Variants in RBM6 observed in about 807,000 individuals in gnomAD.
RBM6 encodes RNA binding motif protein 6, also known as RNA-binding protein 6.
In RBM6, 23 loss-of-function variants were observed where a neutral mutation model predicts 140.4. That is an observed-to-expected ratio of 0.16 (90% CI 0.12 to 0.23). The LOEUF is 0.23. Among genes scored for constraint, RBM6 ranks in the 10% least tolerant of loss-of-function variants. The pLI is 1.00. For missense variants in RBM6, 1,139 were observed against 1,386.7 expected (o/e 0.82, Z 2.84); for synonymous variants, 439 against 475.6 (o/e 0.92, Z 1.00).
intron 5 of RBM6, among the ~76,000 whole-genome samples, chr3:49,992,585 AGGCCC>A: frequency 6.6e-6 from 1 of 152,240 alleles, no homozygotes; most frequent in Non-Finnish European, 1.5e-5. Flanking sequence ...GGAATAGCAT[AGGCCC>A]AGAGAGACGT....
At chr3:49,964,142 A>C (rs2084405578) in intron 2 of RBM6, among the ~76,000 whole-genome samples, 1 of 152,030 alleles carries the variant, frequency 6.6e-6, no homozygotes, top group South Asian at 2.1e-4. Context: ...CCTGACCTCA[A>C]GTGATCCACC....
At chr3:50,063,379 G>A (rs2090010489) in intron 15 of RBM6, among the ~76,000 whole-genome samples, 1 of 152,032 alleles carries the variant, frequency 6.6e-6, no homozygotes, top group Admixed American at 6.6e-5. Flanking sequence ...GGCCAAGACA[G>A]GTGGATGCCT....
intron 9 of RBM6, 31 bp from the exon 10 acceptor site, chr3:50,058,371 G>C (rs374743128): frequency 3.2e-6 from 5 of 1,580,874 alleles, no homozygotes; most frequent in Non-Finnish European, 4.3e-6. Flanking sequence ...TCTCCCTTGT[G>C]TTGCCCTTCT....
intron 1 of RBM6, among the ~76,000 whole-genome samples, chr3:49,946,257 TG>T (rs2083480821): frequency 2.6e-5 from 4 of 152,014 alleles, no homozygotes; most frequent in Non-Finnish European, 5.9e-5. Context: ...TTTTTTTTTT[TG>T]GAGACAGATT....
intron 1 of RBM6, among the ~76,000 whole-genome samples, chr3:49,958,337 C>T (rs192924176): frequency 1.6e-4 from 24 of 152,132 alleles, no homozygotes; most frequent in Admixed American, 3.3e-4. Context: ...GGGTGGATCA[C>T]GAGGTCAGGA....
At chr3:50,017,055 G>A (rs2087202913) in intron 6 of RBM6, among the ~76,000 whole-genome samples, 1 of 151,888 alleles carries the variant, frequency 6.6e-6, no homozygotes, top group South Asian at 2.1e-4. Context: ...TGAACTCCTA[G>A]GCTCAAGTGA....
chr3:49,996,946 C>A (rs982492837), intron 5 of RBM6, among the ~76,000 whole-genome samples: 1 of 152,134 alleles, frequency 6.6e-6, no homozygotes, highest in Non-Finnish European at 1.5e-5. Flanking sequence ...ATCAGTTTAC[C>A]TATCCTTTCT....
intron 1 of RBM6, among the ~76,000 whole-genome samples, chr3:49,951,100 A>T (rs960964881): frequency 2.6e-5 from 4 of 152,218 alleles, no homozygotes; most frequent in Non-Finnish European, 5.9e-5. Context: ...CCAGTCATGT[A>T]AAAGACAAAT....
intron 6 of RBM6, among the ~76,000 whole-genome samples, chr3:50,000,912 A>G (rs1004976855): frequency 6.6e-6 from 1 of 152,170 alleles, no homozygotes; most frequent in African/African-American, 2.4e-5. Flanking sequence ...TTTGGGAGCA[A>G]GCACTCATTA....
chr3:50,002,888 G>A (rs1008287360), intron 6 of RBM6, among the ~76,000 whole-genome samples: 3 of 152,062 alleles, frequency 2.0e-5, no homozygotes, highest in Non-Finnish European at 4.4e-5. Context: ...AGGCTGAGGC[G>A]AGCGGATCAT....
At chr3:50,058,272 T>C in intron 9 of RBM6, 130 bp from the exon 10 acceptor site, 1 of 1,103,180 alleles carries the variant, frequency 9.1e-7, no homozygotes, top group Non-Finnish European at 1.3e-6. Flanking sequence ...TTTATTTGTT[T>C]AGCATTTTTT....
At chr3:50,002,268 T>C (rs1000165806) in intron 6 of RBM6, among the ~76,000 whole-genome samples, 1 of 150,612 alleles carries the variant, frequency 6.6e-6, no homozygotes, top group African/African-American at 2.4e-5. Flanking sequence ...TTTTTTCTTT[T>C]TTTTTTTTTT....
At chr3:50,007,894 G>T (rs1027724654) in intron 6 of RBM6, among the ~76,000 whole-genome samples, 8 of 152,202 alleles carry the variant, frequency 5.3e-5, no homozygotes, top group Non-Finnish European at 8.8e-5. Flanking sequence ...CATGGAGTAT[G>T]TTTAGGCCAT....
intron 1 of RBM6, among the ~76,000 whole-genome samples, chr3:49,956,328 C>CTTTTTTTT (rs34467093): frequency 8.3e-5 from 6 of 72,004 alleles, no homozygotes; most frequent in East Asian, 3.8e-4. Flanking sequence ...CCCTCCCCCG[C>CTTTTTTTT]TTTTTTTTTT....
chr3:50,048,437 G>A lies in RBM6; in HGVS notation c.1632+118G>A, dbSNP rs1575806134. The A allele has an allele frequency of 2.7e-6, 4 of 1,481,834 alleles. No homozygotes were observed. The East Asian group carries it at 1.0e-4, about 37-fold the overall frequency. The allele number at this position is 1,481,834 out of a possible 1,614,324, so 91.8% of individuals were successfully genotyped here. A position where few individuals can be genotyped will look rare whatever the true frequency, so the allele number is the denominator to read the frequency against. On this transcript the variant is annotated intron_variant, in intron 7 of 20. Transcript: ENST00000266022. ...CAAGGACAAAGCTCTTCTTCCTCAG[G>A]TCACTTCAGTTGAACAGGAGGAGGT... is the stretch of plus-strand genomic sequence containing the variant.
chr3:49,948,599 C>T (rs1223445027), intron 1 of RBM6, among the ~76,000 whole-genome samples: 1 of 151,530 alleles, frequency 6.6e-6, no homozygotes, highest in Non-Finnish European at 1.5e-5. Context: ...CTAGTCCCAG[C>T]TACTTGGGAG....
At chr3:49,952,576 C>T (rs1473061522) in intron 1 of RBM6, among the ~76,000 whole-genome samples, 1 of 149,616 alleles carries the variant, frequency 6.7e-6, no homozygotes, top group Non-Finnish European at 1.5e-5. Context: ...CTCGACTCAA[C>T]GCAACCTCTG....
chr3:50,018,592 T>G (rs993435715), intron 6 of RBM6, among the ~76,000 whole-genome samples: 2 of 131,890 alleles, frequency 1.5e-5, no homozygotes, highest in African/African-American at 2.9e-5. Context: ...TTTTTTTTTT[T>G]TTTTTTTTTT....
intron 18 of RBM6, 61 bp from the exon 19 acceptor site, chr3:50,070,394 T>A (rs749532551): frequency 9.2e-5 from 111 of 1,201,362 alleles, no homozygotes; most frequent in Non-Finnish European, 1.3e-4. Flanking sequence ...GGGGTAGAAT[T>A]TCCCCACTCC....
Sources: gnomAD v4.1 joint callset for allele counts (sites outside exome capture counted in the v4.1 genomes callset) on GRCh38, gnomAD v4.1.1 for gene constraint, MANE v1.5 for transcripts, NCBI Gene and HGNC (gene_info 2026-07-23, HGNC 2026-07-21) for gene names.